The following FAAH2 variants were observed in gnomAD, a reference collection of about 807,000 sequenced individuals.
The protein encoded by FAAH2 is fatty acid amide hydrolase 2.
Under a neutral mutation model 36.9 loss-of-function variants are expected in FAAH2, and 60 were observed. That is an observed-to-expected ratio of 1.63 (90% CI 1.32 to 2.02). The LOEUF is 2.02. FAAH2 is among the 30% of genes most tolerant of loss of function. FAAH2 has a pLI of 0.00. For synonymous variants in FAAH2, 214 were observed against 143.8 expected (o/e 1.49, Z -3.49); for missense variants, 689 against 397.5 (o/e 1.73, Z -6.23).
chrX:57,455,236 C>T (rs1209426760), intron 10 of FAAH2, among the ~76,000 whole-genome samples: 1 of 110,954 alleles, frequency 9.0e-6, no homozygotes, highest in Non-Finnish European at 1.9e-5. Context: ...AAAATTCTTC[C>T]CAGACAAGCA....
chrX:57,139,578 C>T, the FAAH2 span, among the ~76,000 whole-genome samples: 7 of 111,074 alleles, frequency 6.3e-5, no homozygotes, highest in South Asian at 3.8e-4. Flanking sequence ...CTCAGCCTCC[C>T]GAGTAGCTGG....
the FAAH2 span, among the ~76,000 whole-genome samples, chrX:57,223,818 C>A: frequency 8.9e-6 from 1 of 111,955 alleles, no homozygotes. Flanking sequence ...AACATTCATC[C>A]AGTCCAACAA....
At chrX:57,468,129 A>C (rs2057086049) in intron 10 of FAAH2, among the ~76,000 whole-genome samples, 1 of 111,505 alleles carries the variant, frequency 9.0e-6, no homozygotes, top group South Asian at 3.8e-4. Flanking sequence ...AAACTAGATA[A>C]AACCACAAAG....
the FAAH2 span, among the ~76,000 whole-genome samples, chrX:57,153,091 G>T: frequency 8.9e-6 from 1 of 111,913 alleles, no homozygotes; most frequent in African/African-American, 3.3e-5. Context: ...TTTCCCTGTT[G>T]GTCAAGGCCT....
rs990110207 is a variant in FAAH2 at position 57,286,968 on chromosome X, T to G, written c.143T>G (p.Leu48Trp). The G allele has an allele frequency of 8.3e-7, 1 of 1,198,693 alleles. No individual in the cohort carries two copies. The highest frequency in any genetic ancestry group is 1.1e-6 in the Non-Finnish European group (1 of 889,771). ...ACCCCTCGGCCGGTGACTGAACCAT[T>G]GCTTCTGCTTTCGGGGATGCAGCTG... is the stretch of plus-strand genomic sequence containing the variant. ...SKTPRPVTEP[L>W]LLLSGMQLAK... The change falls in exon 1 of 11, where the codon TTG becomes TGG. Residue 48 changes from leucine (L) to tryptophan (W), a missense_variant. Coordinates refer to ENST00000374900, the MANE Select transcript of FAAH2 (RefSeq NM_174912.4).
chrX:57,265,538 T>A, the FAAH2 span, among the ~76,000 whole-genome samples: 1 of 111,225 alleles, frequency 9.0e-6, no homozygotes, highest in Admixed American at 9.5e-5. Flanking sequence ...GCAGAAGAGA[T>A]CCCCCAGCAC....
the FAAH2 span, among the ~76,000 whole-genome samples, chrX:57,249,698 C>T: frequency 1.9e-3 from 217 of 111,872 alleles, no homozygotes; most frequent in Non-Finnish European, 3.5e-3. Context: ...ACCATGAGAC[C>T]AAGTAGCTGG....
chrX:57,158,056 T>G, the FAAH2 span, among the ~76,000 whole-genome samples: 14 of 111,057 alleles, frequency 1.3e-4, no homozygotes, highest in Non-Finnish European at 2.4e-4. Flanking sequence ...TGTCCAAGTG[T>G]TCTCATTGCT....
At chrX:57,228,474 G>A in the FAAH2 span, among the ~76,000 whole-genome samples, 30 of 111,119 alleles carry the variant, frequency 2.7e-4, no homozygotes, top group African/African-American at 9.5e-4. Context: ...CACTTCCATG[G>A]TTGGGGCACT....
chrX:57,166,663 C>G, the FAAH2 span, among the ~76,000 whole-genome samples: 3 of 112,427 alleles, frequency 2.7e-5, no homozygotes, highest in Admixed American at 2.8e-4. Flanking sequence ...TAGCATTTCA[C>G]TTATAAAGCA....
chrX:57,434,562 A>G (rs1284440922), intron 8 of FAAH2, among the ~76,000 whole-genome samples: 1 of 109,831 alleles, frequency 9.1e-6, no homozygotes, highest in African/African-American at 3.3e-5. Context: ...GACTCTCGAA[A>G]TATGAAGACA....
At chrX:57,194,522 T>A in the FAAH2 span, among the ~76,000 whole-genome samples, 1 of 111,836 alleles carries the variant, frequency 8.9e-6, no homozygotes, top group Non-Finnish European at 1.9e-5. Context: ...ATGTTTGTTA[T>A]TTTCTTCTAA....
chrX:57,156,949 G>A, the FAAH2 span, among the ~76,000 whole-genome samples: 2 of 112,229 alleles, frequency 1.8e-5, no homozygotes, highest in African/African-American at 3.2e-5. Flanking sequence ...ATACATTTTA[G>A]TCTGTAGATG....
chrX:57,476,364 G>A (rs888139262), intron 10 of FAAH2, among the ~76,000 whole-genome samples: 2 of 110,866 alleles, frequency 1.8e-5, no homozygotes, highest in Non-Finnish European at 1.9e-5. Context: ...ATTTTGAGAT[G>A]TGTTCCATCA....
In FAAH2 at chrX:57,488,985, G is replaced by A; in HGVS notation, c.*53G>A. On this transcript the variant is annotated 3_prime_UTR_variant, in exon 11 of 11. Coordinates refer to ENST00000374900, the MANE Select transcript of FAAH2 (RefSeq NM_174912.4). ...TGTGTGTTTGTGTTCGTGTGGTGGT[G>A]TTTCTATTAATTGGGTGAAATCAAG... 7 of 1,108,238 alleles carry A rather than the reference G, an allele frequency of 6.3e-6. No homozygotes were observed. The highest frequency in any genetic ancestry group is 8.4e-6 in the Non-Finnish European group (7 of 836,639). 91.3% of individuals were successfully genotyped at this position (1,108,238 alleles called of 1,213,427 possible).
chrX:57,466,454 A>G (rs1286243208), intron 10 of FAAH2, among the ~76,000 whole-genome samples: 1 of 72,575 alleles, frequency 1.4e-5, no homozygotes, highest in Admixed American at 2.0e-4. Context: ...ATATATATAT[A>G]TAACAAAAGT....
the FAAH2 span, among the ~76,000 whole-genome samples, chrX:57,131,802 A>G: frequency 8.9e-6 from 1 of 112,185 alleles, no homozygotes; most frequent in African/African-American, 3.2e-5. Context: ...GAAATGAGTT[A>G]TTAGGGAATG....
upstream of FAAH2, among the ~76,000 whole-genome samples, chrX:57,281,710 G>T (rs956284874): frequency 3.6e-5 from 4 of 111,392 alleles, no homozygotes; most frequent in Non-Finnish European, 7.5e-5. Context: ...TTGGTCCTCA[G>T]CCTCCTCTCT....
At chrX:57,145,256 G>C in the FAAH2 span, among the ~76,000 whole-genome samples, 2 of 107,939 alleles carry the variant, frequency 1.9e-5, no homozygotes, top group South Asian at 3.9e-4. Flanking sequence ...ATTCTTTTGG[G>C]GGGGGGTAAG....
Sources: gnomAD v4.1 joint callset for allele counts (sites outside exome capture counted in the v4.1 genomes callset) on GRCh38, gnomAD v4.1.1 for gene constraint, MANE v1.5 for transcripts, NCBI Gene and HGNC (gene_info 2026-07-23, HGNC 2026-07-21) for gene names.